Variants in ROBO2 observed in about 807,000 individuals in gnomAD.
ROBO2 encodes the protein roundabout homolog 2.
In ROBO2, 53 loss-of-function variants were observed where a neutral mutation model predicts 160.8. That is an observed-to-expected ratio of 0.33 (90% CI 0.26 to 0.41). ROBO2 has a LOEUF of 0.41. Ranked by LOEUF, ROBO2 falls within the 10% of genes least tolerant of loss-of-function variation. The pLI is 1.00. For missense variants in ROBO2, 1,577 were observed against 1,722.4 expected, an observed-to-expected ratio of 0.92 and a Z score of 1.49; for synonymous variants, 664 against 611.7, an observed-to-expected ratio of 1.09 and a Z score of -1.26.
At chr3:76,812,411 G>A (rs1167790047) in intron 2 of ROBO2, among the ~76,000 whole-genome samples, 3 of 148,824 alleles carry the variant, frequency 2.0e-5, no homozygotes, top group South Asian at 2.1e-4. Flanking sequence ...GAGTATTTGA[G>A]CATCGCAGCC....
chr3:76,383,521 A>G (rs553450627), intron 2 of ROBO2, among the ~76,000 whole-genome samples: 142 of 152,310 alleles, frequency 9.3e-4, no homozygotes, highest in Non-Finnish European at 1.8e-3. Flanking sequence ...AACTTTTTAT[A>G]TGTTTTTCCT....
At chr3:76,402,906 G>T (rs990213606) in intron 2 of ROBO2, among the ~76,000 whole-genome samples, 1 of 151,454 alleles carries the variant, frequency 6.6e-6, no homozygotes, top group Non-Finnish European at 1.5e-5. Context: ...ATTTAATTAC[G>T]TCTGCAAAGT....
At chr3:76,620,853 A>C (rs1225847641) in intron 2 of ROBO2, among the ~76,000 whole-genome samples, 1 of 152,148 alleles carries the variant, frequency 6.6e-6, no homozygotes, top group Non-Finnish European at 1.5e-5. Context: ...CTCTCTAACT[A>C]TTGGAGTAGT....
At chr3:76,267,931 G>A (rs1240910459) in intron 2 of ROBO2, among the ~76,000 whole-genome samples, 4 of 152,094 alleles carry the variant, frequency 2.6e-5, no homozygotes, top group African/African-American at 7.2e-5. Context: ...ATGCTTCACA[G>A]AAGTAGCTAT....
chr3:76,725,099 A>C (rs2093529222), intron 2 of ROBO2, among the ~76,000 whole-genome samples: 1 of 152,170 alleles, frequency 6.6e-6, no homozygotes, highest in African/African-American at 2.4e-5. Flanking sequence ...CTGTGAGAAA[A>C]TAAGTTTGTT....
intron 2 of ROBO2, among the ~76,000 whole-genome samples, chr3:77,460,815 A>G (rs1468459727): frequency 2.0e-5 from 3 of 152,188 alleles, no homozygotes; most frequent in Non-Finnish European, 4.4e-5. Flanking sequence ...TTATATCTGC[A>G]TTGGAGATAA....
chr3:76,458,002 G>A (rs1346304292), intron 2 of ROBO2, among the ~76,000 whole-genome samples: 1 of 152,144 alleles, frequency 6.6e-6, no homozygotes, highest in African/African-American at 2.4e-5. Flanking sequence ...TGTGATGGGA[G>A]GGGCTTCTCT....
chr3:76,809,152 T>C (rs2064969281), intron 2 of ROBO2, among the ~76,000 whole-genome samples: 1 of 152,172 alleles, frequency 6.6e-6, no homozygotes, highest in Non-Finnish European at 1.5e-5. Context: ...ACAGTTTCTG[T>C]GGGTCAATAA....
intron 2 of ROBO2, among the ~76,000 whole-genome samples, chr3:77,292,096 G>A (rs373888524): frequency 6.7e-6 from 1 of 149,500 alleles, no homozygotes; most frequent in Non-Finnish European, 1.5e-5. Context: ...AAAATTGACG[G>A]TTAAACGGGT....
chr3:76,344,812 T>C (rs1184157810), intron 2 of ROBO2, among the ~76,000 whole-genome samples: 2 of 152,164 alleles, frequency 1.3e-5, no homozygotes, highest in Non-Finnish European at 2.9e-5. Flanking sequence ...TTGGGAAATA[T>C]CTAGATGTGA....
intron 2 of ROBO2, among the ~76,000 whole-genome samples, chr3:77,213,915 C>T (rs2084544711): frequency 6.6e-6 from 1 of 152,032 alleles, no homozygotes; most frequent in Non-Finnish European, 1.5e-5. Context: ...ATCCTGAGTT[C>T]TAGTTTGATT....
intron 2 of ROBO2, among the ~76,000 whole-genome samples, chr3:76,390,347 C>G (rs9875488): frequency 0.062 from 9,483 of 151,930 alleles, 839 homozygotes; most frequent in African/African-American, 0.2. Flanking sequence ...AATATAATAA[C>G]TATATATATA....
rs188078770 is a variant in ROBO2, at chr3:76,897,396, A to G, written c.110-200618A>G. Among the ~76,000 whole-genome samples, 343 of 152,222 alleles carry G rather than the reference A, an allele frequency of 2.3e-3. 2 individuals carry two copies. The highest frequency in any genetic ancestry group is 1.6e-3 in the Non-Finnish European group (106 of 67,994). ...TTTATGAGGCCTGGAAATTCTATCC[A>G]TGAAAATGTTTAAGACACAGGAGGA... On this transcript the variant is annotated intron_variant, in intron 2 of 26. Coordinates refer to the ROBO2 transcript ENST00000487694.
intron 1 of ROBO2, among the ~76,000 whole-genome samples, chr3:77,043,349 G>A (rs938569341): frequency 3.9e-5 from 6 of 152,124 alleles, no homozygotes; most frequent in Non-Finnish European, 8.8e-5. Flanking sequence ...ATTTTATTCA[G>A]TGACAAATGA....
chr3:76,514,457 G>C (rs2081253981), intron 2 of ROBO2, among the ~76,000 whole-genome samples: 1 of 151,972 alleles, frequency 6.6e-6, no homozygotes, highest in South Asian at 2.1e-4. Context: ...CAGTAACTGT[G>C]GTTCATTAAT....
intron 2 of ROBO2, among the ~76,000 whole-genome samples, chr3:77,374,100 G>C (rs953210058): frequency 6.9e-6 from 1 of 144,158 alleles, no homozygotes; most frequent in African/African-American, 2.6e-5. Context: ...AACCTGGGAG[G>C]CGGAGCTTGC....
intron 2 of ROBO2, among the ~76,000 whole-genome samples, chr3:76,677,236 A>G (rs1218304052): frequency 6.6e-6 from 1 of 152,124 alleles, no homozygotes; most frequent in Non-Finnish European, 1.5e-5. Context: ...AAAAGGAGGT[A>G]GGAGGGAGAG....
chr3:77,609,839 C>A (rs2094593470), intron 21 of ROBO2, among the ~76,000 whole-genome samples: 1 of 146,348 alleles, frequency 6.8e-6, no homozygotes, highest in Non-Finnish European at 1.5e-5. Context: ...GTTTGAGTTA[C>A]CTTCAAGTTT....
Position 76,425,487 on chromosome 3 carries a change from A to AGT in ROBO2, c.109+487922_109+487923dup, listed in dbSNP as rs10530471. Among the ~76,000 whole-genome samples, 1,411 of 146,550 alleles carry AGT rather than the reference A, an allele frequency of 9.6e-3. 16 individuals are homozygous for AGT. Among genetic ancestry groups the AGT allele is most frequent in the Middle Eastern group, 0.031 (9 of 292 alleles). ...AACTTTGAAGATCCATGATGCAGCA[A>AGT]GTGTGTGTGTGTGTGTGTGTGTGTG... On this transcript the variant is annotated intron_variant, in intron 2 of 26. Transcript: ENST00000487694.
Sources: allele counts gnomAD v4.1 joint callset (sites outside exome capture counted in the v4.1 genomes callset), GRCh38; gene constraint gnomAD v4.1.1; transcripts MANE v1.5; gene names NCBI Gene and HGNC (gene_info 2026-07-23, HGNC 2026-07-21).